ZC2HC1B: variants seen among roughly 807,000 people sequenced by gnomAD.
The protein encoded by ZC2HC1B is zinc finger C2HC domain-containing protein 1B.
In ZC2HC1B, 36 loss-of-function variants were observed where a neutral mutation model predicts 31.0. The observed-to-expected ratio is 1.16, with a 90% CI of 0.89 to 1.54. The LOEUF (loss-of-function observed/expected upper bound fraction) is 1.54. Among genes scored for constraint, ZC2HC1B ranks in the 40% most tolerant of loss-of-function variants. The pLI, the probability that ZC2HC1B is intolerant of heterozygous loss-of-function variation, is 0.00. For missense variants in ZC2HC1B, 260 were observed against 268.6 expected (o/e 0.97, Z 0.22); for synonymous variants, 73 against 88.0 (o/e 0.83, Z 0.95).
intron 6 of ZC2HC1B, among the ~76,000 whole-genome samples, chr6:143,931,934 G>A (rs1329118177): frequency 2.0e-5 from 3 of 148,930 alleles, no homozygotes; most frequent in Non-Finnish European, 3.0e-5. Context: ...GCATGATCTC[G>A]GCTCACTGCA....
chr6:143,936,783 A>G (rs938841981), intron 6 of ZC2HC1B, among the ~76,000 whole-genome samples: 1 of 152,228 alleles, frequency 6.6e-6, no homozygotes, highest in Non-Finnish European at 1.5e-5. Flanking sequence ...GTGGATTTTT[A>G]TCAAGTTAAG....
At chr6:143,876,496 C>T (rs1777410025) in intron 1 of ZC2HC1B, among the ~76,000 whole-genome samples, 1 of 150,332 alleles carries the variant, frequency 6.7e-6, no homozygotes, top group Non-Finnish European at 1.5e-5. Context: ...TATTAAGCAG[C>T]CAACTCCAGA....
Position 143,899,380 on chromosome 6 carries a change from GTTTA to G in ZC2HC1B, c.489+697_489+700del, listed in dbSNP as rs1018671504. ...TGGATACTTTAAGTGTATACAGACT[GTTTA>G]TTTATTTTTGAGACAGGGGCTCACT... On this transcript the variant is annotated intron_variant, in intron 5 of 7. Coordinates refer to ENST00000237275, the MANE Select transcript of ZC2HC1B (RefSeq NM_001013623.3). This position sits in a 1 kb window ranked among gnomAD's most constrained non-coding sequence, Gnocchi z 5.0. 6.6e-5 allele frequency among the ~76,000 whole-genome samples: 10 copies of G among 152,120 alleles called. No homozygotes were observed. In the East Asian group the frequency reaches 7.7e-4, roughly 12 times the overall value.
chr6:143,937,823 A>G (rs1778196236), intron 7 of ZC2HC1B, 90 bp downstream of exon 7: 1 of 916,064 alleles, frequency 1.1e-6, no homozygotes, highest in African/African-American at 1.7e-5. Flanking sequence ...AACTGAAGAG[A>G]CATCTGGACA....
At chr6:143,909,687 G>A (rs1197872654) in intron 6 of ZC2HC1B, among the ~76,000 whole-genome samples, 1 of 151,928 alleles carries the variant, frequency 6.6e-6, no homozygotes, top group South Asian at 2.1e-4. Flanking sequence ...AATTTCTAGT[G>A]TATGTGCATA....
At chr6:143,892,812 T>C (rs1562340693) in intron 4 of ZC2HC1B, among the ~76,000 whole-genome samples, 1 of 151,978 alleles carries the variant, frequency 6.6e-6, no homozygotes, top group Non-Finnish European at 1.5e-5. Flanking sequence ...AAAAAGTCAT[T>C]CAAAAAGGAT....
intron 6 of ZC2HC1B, among the ~76,000 whole-genome samples, chr6:143,919,791 G>A (rs1358115723): frequency 6.6e-6 from 1 of 152,106 alleles, no homozygotes; most frequent in East Asian, 1.9e-4. Flanking sequence ...TACTGTTCAA[G>A]CCTTCCCCTG....
At chr6:143,931,862 TTC>T (rs35991929) in intron 6 of ZC2HC1B, among the ~76,000 whole-genome samples, 66,695 of 123,502 alleles carry the variant, frequency 0.54, 18,065 homozygotes, top group South Asian at 0.71. Flanking sequence ...CTTCTTCTTC[TTC>T]TTTTTTTTTT....
At chr6:143,929,052 T>TC (rs1246701186) in intron 6 of ZC2HC1B, among the ~76,000 whole-genome samples, 7 of 152,266 alleles carry the variant, frequency 4.6e-5, no homozygotes, top group African/African-American at 1.4e-4. Flanking sequence ...TAATCTGACT[T>TC]CCTCTTTTCC....
chr6:143,929,154 ACTTGT>A (rs1283957334), intron 6 of ZC2HC1B, among the ~76,000 whole-genome samples: 1 of 151,936 alleles, frequency 6.6e-6, no homozygotes, highest in African/African-American at 2.4e-5. Context: ...ACATGGACAT[ACTTGT>A]CTTGTTCTAG....
intron 1 of ZC2HC1B, among the ~76,000 whole-genome samples, chr6:143,873,181 G>A (rs1363257935): frequency 6.6e-6 from 1 of 152,220 alleles, no homozygotes; most frequent in African/African-American, 2.4e-5. Context: ...CAGGGCCCAT[G>A]CAAATGTGAA....
At chr6:143,888,717 G>A (rs998906948) in intron 4 of ZC2HC1B, among the ~76,000 whole-genome samples, 6 of 151,700 alleles carry the variant, frequency 4.0e-5, no homozygotes, top group Non-Finnish European at 8.8e-5. Flanking sequence ...AAAATATAAT[G>A]GATCTTTGTA....
In ZC2HC1B at chr6:143,877,053, T is replaced by C. The variant is rs537084769; in HGVS notation, c.29-7251T>C. ...CCACCACAGGAGGTTTATGTCCTTC[T>C]TTTTTGGAAATAATTAAAAATTATT... On this transcript the variant is annotated intron_variant, in intron 1 of 7. Coordinates refer to ENST00000237275, the MANE Select transcript of ZC2HC1B (RefSeq NM_001013623.3). Among the ~76,000 whole-genome samples, 18 of 150,400 alleles carry C rather than the reference T, an allele frequency of 1.2e-4. 1 individual carries two copies. The highest frequency in any genetic ancestry group is 3.7e-4 in the African/African-American group (15 of 40,824).
intron 6 of ZC2HC1B, among the ~76,000 whole-genome samples, chr6:143,904,306 T>C (rs1007975450): frequency 2.0e-5 from 3 of 152,202 alleles, no homozygotes; most frequent in Admixed American, 1.3e-4. Context: ...GGTTTATAAA[T>C]ATTCTTTTCT....
chr6:143,923,553 T>C lies in ZC2HC1B; in HGVS notation c.599-14096T>C, dbSNP rs188317061. ...GACCAATGTCTGAGAGCATTTTCCC[T>C]ATTTTCTTCTAGTAGTTTCATAGTT... is the stretch of plus-strand genomic sequence containing the variant. On this transcript the variant is annotated intron_variant, in intron 6 of 7. Transcript: ENST00000237275. This position sits in a 1 kb window ranked among gnomAD's most constrained non-coding sequence, Gnocchi z 4.8. Among the ~76,000 whole-genome samples the C allele has an allele frequency of 6.6e-6, 1 of 152,272 alleles. No homozygotes were observed. Among genetic ancestry groups the C allele is most frequent in the African/African-American group, 2.4e-5 (1 of 41,580 alleles).
In ZC2HC1B at chr6:143,884,500, T is replaced by G; in HGVS notation, c.90+135T>G. 1 of 732,320 alleles carries G rather than the reference T, an allele frequency of 1.4e-6. No individual in the cohort carries two copies. 45.4% of individuals were successfully genotyped at this position (732,320 alleles called of 1,614,324 possible). A position where few individuals can be genotyped will look rare whatever the true frequency, so the allele number is the denominator to read the frequency against. ...GGGAAGAGGAAAAGTACATAACCTA[T>G]GGCTGGTGGGCCCAGAGAACACTGA... On this transcript the variant is annotated intron_variant, in intron 2 of 7. Coordinates refer to ENST00000237275, the MANE Select transcript of ZC2HC1B (RefSeq NM_001013623.3). The surrounding 1 kb of genome is among the most constrained non-coding windows in gnomAD (Gnocchi z 5.1).
rs1021172853 is a variant in ZC2HC1B at position 143,871,635 on chromosome 6, G to A, written c.28+7068G>A. On this transcript the variant is annotated intron_variant, in intron 1 of 7. Coordinates refer to ENST00000237275, the MANE Select transcript of ZC2HC1B (RefSeq NM_001013623.3). The surrounding 1 kb of genome is among the most constrained non-coding windows in gnomAD (Gnocchi z 4.1). The stretch of plus-strand genomic sequence containing the variant: ...AAATGGGAGAGTTGAACAGGGATGT[G>A]GTAGGAATCACCACCCTGAGTCTTT... Among the ~76,000 whole-genome samples, 1 of 152,186 alleles carries A rather than the reference G, an allele frequency of 6.6e-6. No homozygotes were observed. The highest frequency in any genetic ancestry group is 2.4e-5 in the African/African-American group (1 of 41,454).
intron 6 of ZC2HC1B, among the ~76,000 whole-genome samples, chr6:143,906,532 C>T (rs1210524122): frequency 6.6e-6 from 1 of 152,100 alleles, no homozygotes; most frequent in African/African-American, 2.4e-5. Context: ...CAACCTCCAC[C>T]TCCTGGCTTC....
Position 143,870,623 on chromosome 6 carries a change from G to T in ZC2HC1B, c.28+6056G>T, listed in dbSNP as rs1242717633. ...CAGTTCATGATAGGCAGGTCAGGTT[G>T]CATGGTGACTTGATGACCCACAGTC... On this transcript the variant is annotated intron_variant, in intron 1 of 7. Transcript: ENST00000237275. This position sits in a 1 kb window ranked among gnomAD's most constrained non-coding sequence, Gnocchi z 4.7. 6.6e-6 allele frequency among the ~76,000 whole-genome samples: 1 copy of T among 152,210 alleles called. No homozygotes were observed. Among genetic ancestry groups the T allele is most frequent in the East Asian group, 1.9e-4 (1 of 5,198 alleles).
Sources: gnomAD v4.1 joint callset for allele counts (sites outside exome capture counted in the v4.1 genomes callset) on GRCh38, gnomAD v4.1.1 for gene constraint, Gnocchi (gnomAD v3.1) non-coding constraint, MANE v1.5 for transcripts, NCBI Gene and HGNC (gene_info 2026-07-23, HGNC 2026-07-21) for gene names.